HTR3D: variants seen among roughly 807,000 people sequenced by gnomAD.
HTR3D encodes 5-hydroxytryptamine (serotonin) receptor 3 family member D.
HTR3D carries 47 observed loss-of-function variants against 45.8 expected under a neutral mutation model. The observed-to-expected ratio is 1.03, with a 90% CI of 0.81 to 1.31. The LOEUF is 1.31. Among genes scored for constraint, HTR3D ranks in the 50% most tolerant of loss-of-function variants. The pLI, the probability that HTR3D is intolerant of heterozygous loss-of-function variation, is 0.00. For missense variants in HTR3D, 448 were observed against 506.9 expected (o/e 0.88, Z 1.12); for synonymous variants, 203 against 199.8 (o/e 1.02, Z -0.13).
chr3:184,031,604 C>T, upstream of HTR3D: 3 of 629,104 alleles, frequency 4.8e-6, no homozygotes, highest in Non-Finnish European at 8.7e-6. Flanking sequence ...TCTTTTGTCA[C>T]CAAGGGGTCT....
chr3:184,035,715 T>C (rs1722866358), intron 2 of HTR3D, among the ~76,000 whole-genome samples: 1 of 149,888 alleles, frequency 6.7e-6, no homozygotes, highest in Non-Finnish European at 1.5e-5. Flanking sequence ...TGAGAGAGTC[T>C]CACTCTGTCG....
intron 5 of HTR3D, among the ~76,000 whole-genome samples, 154 bp downstream of exon 5, chr3:184,037,050 TA>T (rs397946411): frequency 1.3e-4 from 19 of 150,146 alleles, no homozygotes; most frequent in Non-Finnish European, 2.5e-4. Flanking sequence ...TTTTTTTTTT[TA>T]AATTTGAGAT....
intron 4 of HTR3D, 32 bp downstream of exon 4, chr3:184,036,576 C>T (rs777384086): frequency 6.2e-7 from 1 of 1,612,154 alleles, no homozygotes; most frequent in Non-Finnish European, 8.5e-7. Context: ...TGTTGAGAGG[C>T]AGAGAAAGGG....
chr3:184,037,037 CTT>C (rs11448445), intron 5 of HTR3D, 141 bp downstream of exon 5: 817 of 558,328 alleles, frequency 1.5e-3, no homozygotes, highest in South Asian at 2.2e-3. Flanking sequence ...CTTTGTCACT[CTT>C]TTTTTTTTTT....
rs751968424 is a variant in HTR3D at position 184,036,450 on chromosome 3, T to C, written c.273T>C (p.Cys91=). Residue 91 remains cysteine, a synonymous_variant, in exon 4 of 8, where the codon TGT becomes TGC. Transcript: ENST00000428798. ...CCACATCAAACACAATAAGCCAATGTGGGTGGTCAGCATCTGCAAACTGGA... is the reference window on the plus strand; with the variant it reads ...CCACATCAAACACAATAAGCCAATGCGGGTGGTCAGCATCTGCAAACTGGA... ...VKATSNTISQ[C]GWSASANWTP... is the part of the protein sequence containing the mutation. 1.9e-6 allele frequency: 3 copies of C among 1,614,224 alleles called. No homozygotes were observed. The highest frequency in any genetic ancestry group is 2.5e-6 in the Non-Finnish European group (3 of 1,180,036).
In HTR3D at chr3:184,038,172, A is replaced by G; in HGVS notation, c.668A>G (p.Tyr223Cys). 1 of 1,614,178 alleles carries G rather than the reference A, an allele frequency of 6.2e-7. No individual in the cohort carries two copies. Among genetic ancestry groups the G allele is most frequent in the Admixed American group, 1.7e-5 (1 of 60,020 alleles). The change falls in exon 6 of 8, where the codon TAC (tyrosine) becomes TGC (cysteine). Residue 223 changes from tyrosine (Y) to cysteine (C), a missense_variant. Tyr to Cys is a radical substitution (Grantham distance 194). Transcript: ENST00000428798. The surrounding 1 kb of genome is among the most constrained non-coding windows in gnomAD (Gnocchi z 4.5). ...APFKMTVLLG[Y>C]SVFLLMMNDL... is the part of the protein sequence containing the mutation. ...TTCAAGATGACTGTTCTGCTGGGCT[A>G]CAGCGTCTTCCTGCTCATGATGAAT... is the stretch of plus-strand genomic sequence containing the variant.
chr3:184,033,119 ATTTTTT>A, intron 1 of HTR3D: 4 of 908,028 alleles, frequency 4.4e-6, no homozygotes, highest in Non-Finnish European at 6.3e-6. Flanking sequence ...CTCTGACTGG[ATTTTTT>A]TTTTTTTTTT....
chr3:184,031,850 C>T (rs1312633559), intron 1 of HTR3D, 43 bp downstream of exon 1: 23 of 1,380,532 alleles, frequency 1.7e-5, no homozygotes, highest in Non-Finnish European at 2.3e-5. Context: ...CATGTAACTC[C>T]TGGGAAGCAG....
intron 4 of HTR3D, 57 bp from the exon 5 acceptor site, chr3:184,036,691 T>C (rs1722906934): frequency 6.4e-7 from 1 of 1,554,608 alleles, no homozygotes; most frequent in African/African-American, 1.4e-5. Context: ...GCAAGGGACT[T>C]GGGCGCATTT....
In HTR3D at chr3:184,035,100, G is replaced by A; in HGVS notation, c.67-78G>A. 1.5e-5 allele frequency: 24 copies of A among 1,550,550 alleles called. No individual in the cohort carries two copies. In the South Asian group the frequency reaches 2.7e-4, roughly 18 times the overall value. On this transcript the variant is annotated intron_variant, in intron 1 of 7. Transcript: ENST00000428798. ...ATTATTGCCACATGGACCAGCCTTG[G>A]AAGTGAACAAGGAGAGGGTGGTGGC...
intron 1 of HTR3D, among the ~76,000 whole-genome samples, chr3:184,033,924 CA>C (rs1262853320): frequency 2.0e-5 from 3 of 151,794 alleles, no homozygotes; most frequent in African/African-American, 7.3e-5. Context: ...CTCAAAAAAA[CA>C]AAACAAAACA....
rs756360174 is a variant in HTR3D at position 184,038,499 on chromosome 3, A to C, written c.860A>C (p.Gln287Pro). The C allele has an allele frequency of 2.5e-6, 4 of 1,613,986 alleles. No homozygotes were observed. The Admixed American group carries it at 6.7e-5, about 27-fold the overall frequency. ...CACCTGCTGCACGTGGCCACCACCCAGCCCCTACCTCTGCCTCGGTGGCTC... is the reference window on the plus strand; with the variant it reads ...CACCTGCTGCACGTGGCCACCACCCCGCCCCTACCTCTGCCTCGGTGGCTC... ...ITHLLHVATT[Q>P]PLPLPRWLHS... Residue 287 changes from glutamine (Q) to proline (P), a missense_variant, in exon 7 of 8, where the codon CAG (glutamine) becomes CCG (proline). Gln to Pro is a moderately conservative substitution (Grantham distance 76). Coordinates refer to ENST00000428798, the MANE Select transcript of HTR3D (RefSeq NM_001145143.1). This position sits in a 1 kb window ranked among gnomAD's most constrained non-coding sequence, Gnocchi z 4.5.
chr3:184,037,189 G>A (rs778620648), intron 5 of HTR3D, among the ~76,000 whole-genome samples: 2 of 151,916 alleles, frequency 1.3e-5, no homozygotes, highest in African/African-American at 2.4e-5. Flanking sequence ...ACAAGGGCCC[G>A]CCACCATGCC....
chr3:184,037,471 C>A (rs1191928473), intron 5 of HTR3D, among the ~76,000 whole-genome samples: 2 of 152,130 alleles, frequency 1.3e-5, no homozygotes, highest in Admixed American at 1.3e-4. Context: ...TGAGGGTGAG[C>A]CCCGCCTTCC....
rs1234536255 is a variant in HTR3D at position 184,038,213 on chromosome 3, A to C, written c.709A>C (p.Thr237Pro). 8.1e-6 allele frequency: 13 copies of C among 1,614,084 alleles called. No individual in the cohort carries two copies. Among genetic ancestry groups the C allele is most frequent in the Admixed American group, 1.7e-5 (1 of 60,002 alleles). The change falls in exon 6 of 8, where the codon ACT becomes CCT. Residue 237 changes from threonine to proline, a missense_variant. Transcript: ENST00000428798. The surrounding 1 kb of genome is among the most constrained non-coding windows in gnomAD (Gnocchi z 4.5). ...CATGATGAATGACTTGCTCCCAGCC[A>C]CTAGCACTTCATCACATGCTTCACT... ...LLMMNDLLPA[T>P]STSSHASLVR... is the part of the protein sequence containing the mutation.
intron 1 of HTR3D, chr3:184,032,774 C>A: frequency 1.5e-6 from 2 of 1,310,130 alleles, no homozygotes; most frequent in Admixed American, 2.0e-5. Flanking sequence ...GCCTACTCTT[C>A]CTGGACCAGG....
Position 184,039,024 on chromosome 3 carries a change from AC to A in HTR3D, c.*50del. The stretch of plus-strand genomic sequence containing the variant: ...AGTCTGGACTTCTTTTTGCCAGAGA[AC>A]TCCAGAAACCAGTCAGGCTCTCAGT... On this transcript the variant is annotated 3_prime_UTR_variant, in exon 8 of 8. Transcript: ENST00000428798. The A allele has an allele frequency of 6.4e-7, 1 of 1,570,180 alleles. No homozygotes were observed. Among genetic ancestry groups the A allele is most frequent in the Non-Finnish European group, 8.7e-7 (1 of 1,155,376 alleles).
Position 184,038,555 on chromosome 3 carries a change from G to A in HTR3D, c.916G>A (p.Gly306Arg). 6.2e-7 allele frequency: 1 copy of A among 1,613,966 alleles called. No homozygotes were observed. The highest frequency in any genetic ancestry group is 1.3e-5 in the African/African-American group (1 of 75,030). The change falls in exon 7 of 8, where the codon GGG becomes AGG. Residue 306 changes from glycine (G) to arginine (R), a missense_variant. Gly to Arg is a moderately radical substitution (Grantham distance 125). Coordinates refer to ENST00000428798, the MANE Select transcript of HTR3D (RefSeq NM_001145143.1). The surrounding 1 kb of genome is among the most constrained non-coding windows in gnomAD (Gnocchi z 4.5). Reference sequence around the variant, plus strand: ...CCTGCTGCTGCACTGCACCGGCCAAGGGAGATGCTGTCCCACTGCGCCCCA... The same window carrying A: ...CCTGCTGCTGCACTGCACCGGCCAAAGGAGATGCTGTCCCACTGCGCCCCA... ...HSLLLHCTGQ[G>R]RCCPTAPQKG... is the part of the protein sequence containing the mutation.
At chr3:184,032,999 A>G in intron 1 of HTR3D, 1 of 1,551,958 alleles carries the variant, frequency 6.4e-7, no homozygotes. Context: ...TGGTCCAGTC[A>G]CCAACTACAG....
Sources: allele counts gnomAD v4.1 joint callset (sites outside exome capture counted in the v4.1 genomes callset), GRCh38; gene constraint gnomAD v4.1.1; non-coding constraint Gnocchi (gnomAD v3.1); transcripts MANE v1.5; gene names NCBI Gene and HGNC (gene_info 2026-07-23, HGNC 2026-07-21).